Variants in DDX10 observed in about 807,000 individuals in gnomAD.
DDX10 encodes the protein DEAD-box helicase 10, also known as probable ATP-dependent RNA helicase DDX10.
A neutral mutation model predicts 104.3 loss-of-function variants in DDX10; 74 were observed. The observed-to-expected ratio is 0.71, with a 90% CI of 0.59 to 0.86. The LOEUF is 0.86. DDX10 is among the 40% of genes least tolerant of loss of function. DDX10 has a pLI of 0.00. For synonymous variants in DDX10, 351 were observed against 353.4 expected, an observed-to-expected ratio of 0.99 and a Z score of 0.08; for missense variants, 952 against 1,040.0, an observed-to-expected ratio of 0.92 and a Z score of 1.16.
chr11:108,707,614 C>T (rs1330298785), intron 10 of DDX10, among the ~76,000 whole-genome samples: 1 of 152,024 alleles, frequency 6.6e-6, no homozygotes, highest in African/African-American at 2.4e-5. Flanking sequence ...TGCAAATAAC[C>T]ACATTGCCAT....
intron 16 of DDX10, among the ~76,000 whole-genome samples, chr11:108,859,577 C>T (rs916129482): frequency 2.6e-5 from 4 of 152,128 alleles, no homozygotes; most frequent in African/African-American, 7.2e-5. Flanking sequence ...ACAGCCTAAA[C>T]AGTAAATAAA....
At chr11:108,931,113 C>T (rs1591130694) in intron 17 of DDX10, among the ~76,000 whole-genome samples, 1 of 152,150 alleles carries the variant, frequency 6.6e-6, no homozygotes. Context: ...GCACCCTGTA[C>T]TCCAGCCTGG....
intron 13 of DDX10, among the ~76,000 whole-genome samples, chr11:108,770,492 C>T (rs1442889107): frequency 1.5e-5 from 2 of 135,702 alleles, no homozygotes; most frequent in African/African-American, 5.4e-5. Flanking sequence ...TCCCCCCTCC[C>T]CCCTCCCCCC....
chr11:108,882,221 A>G (rs1256833424), intron 16 of DDX10, among the ~76,000 whole-genome samples: 4 of 152,206 alleles, frequency 2.6e-5, no homozygotes, highest in East Asian at 3.8e-4. Flanking sequence ...TTGCTTTCCT[A>G]TACCATAAAA....
intron 7 of DDX10, among the ~76,000 whole-genome samples, chr11:108,689,812 T>G (rs893658589): frequency 6.6e-6 from 1 of 152,210 alleles, no homozygotes; most frequent in African/African-American, 2.4e-5. Context: ...GATTTACAGC[T>G]TTTGCAATAA....
chr11:108,830,702 A>G (rs978465969), intron 13 of DDX10, among the ~76,000 whole-genome samples: 6 of 152,140 alleles, frequency 3.9e-5, no homozygotes, highest in African/African-American at 1.4e-4. Flanking sequence ...GATGGCTTTT[A>G]TTACATAGAT....
chr11:108,810,090 G>A (rs923433176), intron 13 of DDX10, among the ~76,000 whole-genome samples: 5 of 152,134 alleles, frequency 3.3e-5, no homozygotes, highest in South Asian at 2.1e-4. Flanking sequence ...GTCTGGGAGC[G>A]TGAGTTAAGT....
intron 16 of DDX10, among the ~76,000 whole-genome samples, chr11:108,907,189 G>A (rs563432790): frequency 3.0e-4 from 45 of 151,932 alleles, no homozygotes; most frequent in Admixed American, 5.2e-4. Context: ...GAATGATGAG[G>A]AAAAAAATAA....
intron 16 of DDX10, among the ~76,000 whole-genome samples, chr11:108,889,906 T>A (rs1863352851): frequency 6.6e-6 from 1 of 152,206 alleles, no homozygotes. Flanking sequence ...AACATACCAA[T>A]TCTTTAATAG....
At chr11:108,834,695 A>G (rs536392318) in intron 13 of DDX10, among the ~76,000 whole-genome samples, 4 of 152,196 alleles carry the variant, frequency 2.6e-5, no homozygotes, top group East Asian at 3.9e-4. Context: ...TGGAGATCCA[A>G]GGTCCTTAAG....
intron 13 of DDX10, among the ~76,000 whole-genome samples, chr11:108,749,714 G>A (rs2094336124): frequency 6.6e-6 from 1 of 152,130 alleles, no homozygotes; most frequent in African/African-American, 2.4e-5. Flanking sequence ...TCAAAATTAA[G>A]TATTTAATGA....
intron 13 of DDX10, among the ~76,000 whole-genome samples, chr11:108,816,725 G>T (rs1318979325): frequency 6.6e-6 from 1 of 151,852 alleles, no homozygotes; most frequent in Non-Finnish European, 1.5e-5. Flanking sequence ...GCTAATTTTT[G>T]TGTTTTTTAG....
intron 13 of DDX10, among the ~76,000 whole-genome samples, chr11:108,725,984 T>C (rs897000869): frequency 7.3e-5 from 11 of 151,510 alleles, no homozygotes; most frequent in African/African-American, 2.4e-4. Flanking sequence ...CAAGGTACAC[T>C]TTTTTTTGCA....
intron 16 of DDX10, chr11:108,860,836 G>A (rs1862931663): frequency 6.6e-6 from 1 of 152,044 alleles, no homozygotes; most frequent in Non-Finnish European, 1.5e-5. Context: ...ATCAGCCACT[G>A]TGCCCGGCCG....
At chr11:108,805,735 C>T (rs571314950) in intron 13 of DDX10, among the ~76,000 whole-genome samples, 1 of 152,146 alleles carries the variant, frequency 6.6e-6, no homozygotes, top group South Asian at 2.1e-4. Context: ...GGTCTTGCTT[C>T]TACATCCTTC....
At chr11:108,907,524 T>C (rs1164913891) in intron 16 of DDX10, among the ~76,000 whole-genome samples, 1 of 152,068 alleles carries the variant, frequency 6.6e-6, no homozygotes, top group Non-Finnish European at 1.5e-5. Context: ...TTAGTAGAGA[T>C]GGGGTTTCAC....
chr11:108,841,433 T>G lies in DDX10; in HGVS notation c.2204T>G (p.Phe735Cys). The G allele has an allele frequency of 6.2e-7, 1 of 1,613,868 alleles. No individual in the cohort carries two copies. The highest frequency in any genetic ancestry group is 1.1e-5 in the South Asian group (1 of 91,040). ...GAAAGACTTCAGGAAGAGGACAAAT[T>G]TGACAAAGAAGAATATAGGAAAAAA... ...AKERLQEEDKFDKEEYRKKIK... is the reference protein window; with the variant it reads ...AKERLQEEDKCDKEEYRKKIK... The change falls in exon 15 of 18, where the codon TTT (phenylalanine) becomes TGT (cysteine). Residue 735 changes from phenylalanine to cysteine, a missense_variant. By Grantham distance (205) the Phe-to-Cys change is radical (BLOSUM62 -2). Around this residue, in one of 3 missense-constraint regions of DDX10, gnomAD observed 533 missense variants for 534.1 expected, o/e 1.00. Coordinates refer to ENST00000322536, the MANE Select transcript of DDX10 (RefSeq NM_004398.4).
At chr11:108,763,746 G>A (rs1443171395) in intron 13 of DDX10, among the ~76,000 whole-genome samples, 2 of 152,052 alleles carry the variant, frequency 1.3e-5, no homozygotes, top group African/African-American at 4.8e-5. Flanking sequence ...GGATTAAGTT[G>A]GAGAGAATTT....
At chr11:108,939,426 A>G (rs1199369387) in intron 17 of DDX10, among the ~76,000 whole-genome samples, 1 of 152,230 alleles carries the variant, frequency 6.6e-6, no homozygotes, top group African/African-American at 2.4e-5. Flanking sequence ...AATCTATGTA[A>G]GGTATTTAGC....
Sources: gnomAD v4.1 joint callset for allele counts (sites outside exome capture counted in the v4.1 genomes callset) on GRCh38, gnomAD v4.1.1 for gene constraint, gnomAD v4.1.1 regional missense constraint, MANE v1.5 for transcripts, NCBI Gene and HGNC (gene_info 2026-07-23, HGNC 2026-07-21) for gene names.